Variants in SLA observed in about 807,000 individuals in gnomAD.
SLA encodes the protein Src like adaptor, also known as src-like-adapter.
In SLA, 16 loss-of-function variants were observed where a neutral mutation model predicts 30.3. The ratio of observed to expected loss-of-function variants is 0.53; its 90% CI spans 0.36 to 0.80. The LOEUF (loss-of-function observed/expected upper bound fraction) is 0.80. Among genes scored for constraint, SLA ranks in the 30% least tolerant of loss-of-function variants. The pLI, the probability that SLA is intolerant of heterozygous loss-of-function variation, is 0.01. For synonymous variants in SLA, 143 were observed against 137.8 expected, an observed-to-expected ratio of 1.04 and a Z score of -0.26; for missense variants, 310 against 345.2, an observed-to-expected ratio of 0.90 and a Z score of 0.81.
chr8:133,047,984 G>A, intron 5 of SLA, 51 bp from the exon 6 acceptor site: 2 of 1,145,078 alleles, frequency 1.7e-6, no homozygotes, highest in Non-Finnish European at 2.6e-6. Flanking sequence ...CCTCCCCCAG[G>A]AAAGGCAGGA....
Position 133,045,161 on chromosome 8 carries a change from C to T in SLA, c.353-46G>A, listed in dbSNP as rs372309629. The T allele has an allele frequency of 6.2e-6, 10 of 1,607,460 alleles. No homozygotes were observed. In the African/African-American group the frequency reaches 1.2e-4, roughly 19 times the overall value. On this transcript the variant is annotated intron_variant, in intron 6 of 8. Transcript: ENST00000338087. ...GTCAGTGGGCTCCACCTGTCCTCAC[C>T]CCAAGGCACCCAGCTAACCAGCCCA...
chr8:133,066,312 C>T (rs1185169522), intron 2 of SLA, among the ~76,000 whole-genome samples: 2 of 112,748 alleles, frequency 1.8e-5, no homozygotes, highest in East Asian at 2.4e-4. Context: ...GGTGACAGAG[C>T]GAGACTCTGT....
At position 133,063,217 on chromosome 8, in the gene SLA, C is replaced by T. The variant is rs558597844; in HGVS notation, c.-40-3017G>A. Among the ~76,000 whole-genome samples the T allele has an allele frequency of 2.6e-5, 4 of 152,120 alleles. No individual in the cohort carries two copies. The East Asian group carries it at 7.7e-4, about 29-fold the overall frequency. On this transcript the variant is annotated intron_variant, in intron 2 of 8. Transcript: ENST00000338087. The stretch of plus-strand genomic sequence containing the variant: ...GTCATTCAACACCTAGTGATTGTGC[C>T]CAGAACCCCGCCCCCATAAGTTCCA...
intron 7 of SLA, among the ~76,000 whole-genome samples, chr8:133,042,123 CTG>C (rs1239278772): frequency 3.3e-5 from 5 of 152,096 alleles, no homozygotes; most frequent in Non-Finnish European, 5.9e-5. Context: ...GAGGGAAAAA[CTG>C]AGCATCCCGA....
chr8:133,088,849 A>C (rs560981328), intron 1 of SLA, among the ~76,000 whole-genome samples: 1 of 152,368 alleles, frequency 6.6e-6, no homozygotes, highest in African/African-American at 2.4e-5. Context: ...AGTGTTACAA[A>C]TAAGAGTAAA....
chr8:133,047,900 G>A lies in SLA; in HGVS notation c.282C>T (p.Ala94=), dbSNP rs1277867361. 9.9e-6 allele frequency: 16 copies of A among 1,612,292 alleles called. No homozygotes were observed. The highest frequency in any genetic ancestry group is 3.3e-5 in the South Asian group (3 of 90,980). ...WLFEGLGRDK[A]EELLQLPDTK... is the part of the protein sequence containing the mutation. Reference sequence around the variant, plus strand: ...TGTCTGGCAGCTGCAGCAGCTCCTCGGCCTTGTCTCTGCCCAGGCCCTCAA... The same window carrying A: ...TGTCTGGCAGCTGCAGCAGCTCCTCAGCCTTGTCTCTGCCCAGGCCCTCAA... The change falls in exon 6 of 9, where the codon GCC becomes GCT. Residue 94 remains alanine (A), a synonymous_variant. Coordinates refer to ENST00000338087, the MANE Select transcript of SLA (RefSeq NM_001045556.3).
chr8:133,050,105 T>C (rs905009359), intron 4 of SLA, 117 bp from the exon 5 acceptor site: 2 of 768,416 alleles, frequency 2.6e-6, no homozygotes, highest in African/African-American at 3.4e-5. Flanking sequence ...TCTTTTAAGA[T>C]CTGTCACTGG....
At chr8:133,051,723 A>C (rs1242502525) in intron 3 of SLA, among the ~76,000 whole-genome samples, 1 of 152,184 alleles carries the variant, frequency 6.6e-6, no homozygotes, top group Non-Finnish European at 1.5e-5. Context: ...TTCTATCCTT[A>C]GTGATTTGAT....
chr8:133,050,108 G>C, intron 4 of SLA, 120 bp from the exon 5 acceptor site: 3 of 755,798 alleles, frequency 4.0e-6, no homozygotes, highest in Non-Finnish European at 7.1e-6. Flanking sequence ...TTTAAGATCT[G>C]TCACTGGCCA....
chr8:133,060,394 T>A, intron 2 of SLA, 194 bp from the exon 3 acceptor site: 1 of 1,517,954 alleles, frequency 6.6e-7, no homozygotes, highest in Non-Finnish European at 8.8e-7. Flanking sequence ...ATCAAGGGAA[T>A]GACAGAAAAA....
chr8:133,096,760 C>G (rs765714957), intron 1 of SLA, among the ~76,000 whole-genome samples: 1 of 152,190 alleles, frequency 6.6e-6, no homozygotes, highest in Non-Finnish European at 1.5e-5. Flanking sequence ...GTTAAATCAT[C>G]ACCCTTTCCC....
intron 2 of SLA, among the ~76,000 whole-genome samples, chr8:133,070,931 A>G (rs191498811): frequency 1.1e-4 from 17 of 152,246 alleles, no homozygotes; most frequent in African/African-American, 3.9e-4. Flanking sequence ...AATTTATCTC[A>G]ATTGTTTCCC....
At chr8:133,079,713 AG>A (rs1477151524) in intron 1 of SLA, among the ~76,000 whole-genome samples, 1 of 152,194 alleles carries the variant, frequency 6.6e-6, no homozygotes, top group African/African-American at 2.4e-5. Flanking sequence ...AATATTCAAA[AG>A]TTTGGAAGAA....
chr8:133,083,402 G>A (rs1846039122), intron 1 of SLA, among the ~76,000 whole-genome samples: 1 of 152,186 alleles, frequency 6.6e-6, no homozygotes, highest in African/African-American at 2.4e-5. Context: ...ACAAATGAAT[G>A]AGGTAAATAT....
intron 1 of SLA, among the ~76,000 whole-genome samples, chr8:133,081,492 G>A (rs1845734724): frequency 6.6e-6 from 1 of 152,158 alleles, no homozygotes; most frequent in South Asian, 2.1e-4. Flanking sequence ...CCATCTGGAT[G>A]AGCTGATTTC....
chr8:133,047,170 A>G (rs1270972578), intron 6 of SLA: 1 of 152,160 alleles, frequency 6.6e-6, no homozygotes, highest in Non-Finnish European at 1.5e-5. Flanking sequence ...GGAACTTGGG[A>G]CCCTTGCTTT....
At chr8:133,052,002 C>T (rs1483602522) in intron 3 of SLA, among the ~76,000 whole-genome samples, 2 of 152,162 alleles carry the variant, frequency 1.3e-5, no homozygotes, top group Non-Finnish European at 2.9e-5. Flanking sequence ...CTACAGGATA[C>T]ATAAATAGTC....
intron 3 of SLA, among the ~76,000 whole-genome samples, chr8:133,052,263 C>T (rs978505717): frequency 2.0e-5 from 3 of 152,158 alleles, no homozygotes; most frequent in African/African-American, 4.8e-5. Flanking sequence ...TTATGCTTAT[C>T]GATTGATAAA....
At chr8:133,051,128 A>C (rs973035147) in intron 3 of SLA, among the ~76,000 whole-genome samples, 1 of 152,164 alleles carries the variant, frequency 6.6e-6, no homozygotes, top group Non-Finnish European at 1.5e-5. Context: ...ACATGCTCCT[A>C]TTCTTAAGCC....
Sources: allele counts gnomAD v4.1 joint callset (sites outside exome capture counted in the v4.1 genomes callset), GRCh38; gene constraint gnomAD v4.1.1; transcripts MANE v1.5; gene names NCBI Gene and HGNC (gene_info 2026-07-23, HGNC 2026-07-21).